ECE1: variants seen among roughly 807,000 people sequenced by gnomAD.
ECE1 encodes endothelin converting enzyme 1, also known as endothelin-converting enzyme 1.
In ECE1, 35 loss-of-function variants were observed where a neutral mutation model predicts 98.6. The ratio of observed to expected loss-of-function variants is 0.35; its 90% confidence interval spans 0.27 to 0.47. The LOEUF is 0.47. Among genes scored for constraint, ECE1 ranks in the 20% least tolerant of loss-of-function variants. ECE1 has a pLI of 1.00. For synonymous variants in ECE1, 394 were observed against 407.1 expected (o/e 0.97, Z 0.39); for missense variants, 814 against 1,025.3 (o/e 0.79, Z 2.81).
intron 17 of ECE1, among the ~76,000 whole-genome samples, chr1:21,222,891 C>T (rs1474632523): frequency 4.7e-5 from 7 of 149,990 alleles, no homozygotes; most frequent in Non-Finnish European, 1.0e-4. Context: ...ACAAATGGAG[C>T]CAGCTGCAAC....
At chr1:21,279,126 G>A (rs28367938) in intron 3 of ECE1, 65 bp downstream of exon 3, 92 of 1,613,202 alleles carry the variant, frequency 5.7e-5, no homozygotes, top group Middle Eastern at 3.3e-4. Context: ...AGCCCCCCTC[G>A]CCCGAGCTGA....
At chr1:21,227,350 G>T in intron 15 of ECE1, 124 bp from the exon 16 acceptor site, 1 of 983,414 alleles carries the variant, frequency 1.0e-6, no homozygotes. Flanking sequence ...GGCTCTGTGT[G>T]GATAAGGGTG....
Position 21,279,282 on chromosome 1 carries a change from G to A in ECE1, c.189C>T (p.Thr63=). ...ACACCACCAGCCGCTTCTCCACCTGGGTCCGTGCAGCCCAGCACCTCTGGC... is the reference window on the plus strand; with the variant it reads ...ACACCACCAGCCGCTTCTCCACCTGAGTCCGTGCAGCCCAGCACCTCTGGC... ...RSGQRCWAAR[T]QVEKRLVVLV... Residue 63 remains threonine, a synonymous_variant, in exon 3 of 19, where the codon ACC becomes ACT. Transcript: ENST00000374893. The A allele has an allele frequency of 6.2e-7, 1 of 1,614,206 alleles. No individual in the cohort carries two copies. The highest frequency in any genetic ancestry group is 8.5e-7 in the Non-Finnish European group (1 of 1,180,046).
At chr1:21,227,601 T>C (rs558014182) in intron 15 of ECE1, among the ~76,000 whole-genome samples, 1 of 152,278 alleles carries the variant, frequency 6.6e-6, no homozygotes, top group African/African-American at 2.4e-5. Context: ...AATCATCCAA[T>C]AGCAGACCTG....
rs766487884 is a variant in ECE1 at position 21,221,735 on chromosome 1, T to C, written c.2136+12A>G. 3.1e-6 allele frequency: 5 copies of C among 1,613,712 alleles called. No homozygotes were observed. The East Asian group carries it at 8.9e-5, about 29-fold the overall frequency. ...ATGTACCATGTGTGGCATGTTTTCC[T>C]AATGGACTCACCTGTGCAAAGCCCA... is the stretch of plus-strand genomic sequence containing the variant. On this transcript the variant is annotated intron_variant, in intron 18 of 18. Coordinates refer to ENST00000374893, the MANE Select transcript of ECE1 (RefSeq NM_001397.3).
chr1:21,237,822 G>A (rs1360741144), intron 11 of ECE1, among the ~76,000 whole-genome samples: 1 of 152,266 alleles, frequency 6.6e-6, no homozygotes, highest in African/African-American at 2.4e-5. Context: ...CTGGGCCAGA[G>A]CTGTTCTGCC....
In ECE1 at chr1:21,309,782, CTTTTTTT is replaced by C. The variant is rs1223419250; in HGVS notation, c.4-19633_4-19627del. 6.9e-5 allele frequency among the ~76,000 whole-genome samples: 9 copies of C among 130,126 alleles called. No homozygotes were observed. The South Asian group carries it at 1.5e-3, about 21-fold the overall frequency. The allele number at this position is 130,126 out of a possible 152,430, so 85.4% of individuals were successfully genotyped here. A position where few individuals can be genotyped will look rare whatever the true frequency, so the allele number is the denominator to read the frequency against. Reference sequence around the variant, plus strand: ...AGCTGGATTTTCTTTTTTTTTCTTTCTTTTTTTTTTTTTTTTTGAGACGTTTTGAGAC... The same window carrying C: ...AGCTGGATTTTCTTTTTTTTTCTTTCTTTTTTTTTTGAGACGTTTTGAGAC... On this transcript the variant is annotated intron_variant, in intron 1 of 18. Transcript: ENST00000415912.
At chr1:21,249,623 A>T (rs1340850118) in intron 8 of ECE1, among the ~76,000 whole-genome samples, 1 of 152,186 alleles carries the variant, frequency 6.6e-6, no homozygotes. Context: ...TCGAGGCTGC[A>T]GTGAGCTGAA....
At chr1:21,222,505 T>C (rs2098168746) in intron 17 of ECE1, among the ~76,000 whole-genome samples, 1 of 152,148 alleles carries the variant, frequency 6.6e-6, no homozygotes, top group Non-Finnish European at 1.5e-5. Flanking sequence ...TGTGGGCTAA[T>C]GGTCACCGCT....
intron 1 of ECE1, among the ~76,000 whole-genome samples, chr1:21,304,833 G>A (rs1283507201): frequency 6.6e-6 from 1 of 152,184 alleles, no homozygotes; most frequent in Non-Finnish European, 1.5e-5. Flanking sequence ...ATGGAAAACT[G>A]AAAGATAGGT....
chr1:21,250,362 A>C (rs2098210992), intron 8 of ECE1, among the ~76,000 whole-genome samples: 1 of 152,326 alleles, frequency 6.6e-6, no homozygotes, highest in South Asian at 2.1e-4. Context: ...TACAGAACAC[A>C]AGGTTTTTTG....
At position 21,290,021 on chromosome 1, in the gene ECE1, G is replaced by T. The variant is rs1569672079; in HGVS notation, c.138+49C>A. The T allele has an allele frequency of 7.9e-7, 1 of 1,270,366 alleles. No individual in the cohort carries two copies. The highest frequency in any genetic ancestry group is 1.0e-6 in the Non-Finnish European group (1 of 997,484). 78.7% of individuals were successfully genotyped at this position (1,270,366 alleles called of 1,614,324 possible). The stretch of plus-strand genomic sequence containing the variant: ...GGGGCGCGGCAGCGGCAGCGCGCAT[G>T]CCCGGGCCCGGGGCGCCTGGACCTC... On this transcript the variant is annotated intron_variant, in intron 2 of 18. Transcript: ENST00000374893. This position sits in a 1 kb window ranked among gnomAD's most constrained non-coding sequence, Gnocchi z 7.3.
In ECE1 at chr1:21,274,599, A is replaced by G. The variant is rs1001791936; in HGVS notation, c.281-1688T>C. 6.6e-5 allele frequency among the ~76,000 whole-genome samples: 10 copies of G among 152,326 alleles called. No homozygotes were observed. The East Asian group carries it at 1.5e-3, about 23-fold the overall frequency. On this transcript the variant is annotated intron_variant, in intron 3 of 18. Coordinates refer to ENST00000374893, the MANE Select transcript of ECE1 (RefSeq NM_001397.3). Reference sequence around the variant, plus strand: ...TTCAGGCCAGTCTTTAGAGAGCAGCAAAGAACGCACGAGCTAGTATGGGCA... The same window carrying G: ...TTCAGGCCAGTCTTTAGAGAGCAGCGAAGAACGCACGAGCTAGTATGGGCA...
chr1:21,248,514 C>T (rs1186630852), intron 8 of ECE1, among the ~76,000 whole-genome samples: 1 of 152,072 alleles, frequency 6.6e-6, no homozygotes, highest in South Asian at 2.1e-4. Context: ...TGAGCGCTCG[C>T]GCCTGGGGCT....
intron 2 of ECE1, among the ~76,000 whole-genome samples, chr1:21,280,911 G>T (rs866279383): frequency 6.6e-6 from 1 of 152,144 alleles, no homozygotes; most frequent in Non-Finnish European, 1.5e-5. Context: ...AAAAGGGGCC[G>T]GGCACGGCGG....
Position 21,221,776 on chromosome 1 carries a change from T to G in ECE1, c.2107A>C (p.Asn703His). The change falls in exon 18 of 19, where the codon AAC becomes CAC. Residue 703 changes from asparagine to histidine, a missense_variant. Asn to His is a moderately conservative substitution (Grantham distance 68). Around this residue, in one of 3 missense-constraint regions of ECE1, gnomAD observed 452 missense variants for 567.3 expected, o/e 0.80. Transcript: ENST00000374893. Reference protein sequence around the residue: ...HSLPTLGLTNNQLFFLGFAQV... With the variant: ...HSLPTLGLTNHQLFFLGFAQV... ...GCAAAGCCCAGGAAGAAGAGCTGGT[T>G]ATTGGTGAGGCCCAGGGTGGGGAGC... The G allele has an allele frequency of 1.2e-6, 2 of 1,614,204 alleles. No homozygotes were observed. The highest frequency in any genetic ancestry group is 1.7e-6 in the Non-Finnish European group (2 of 1,180,024).
intron 8 of ECE1, among the ~76,000 whole-genome samples, chr1:21,255,061 G>C (rs532717546): frequency 1.3e-5 from 2 of 152,328 alleles, no homozygotes; most frequent in South Asian, 4.1e-4. Context: ...CACATGAAGC[G>C]CAAGGTCCCA....
chr1:21,308,762 G>T (rs963114062), intron 1 of ECE1, among the ~76,000 whole-genome samples: 1 of 152,044 alleles, frequency 6.6e-6, no homozygotes, highest in African/African-American at 2.4e-5. Flanking sequence ...GCGAGCTGGG[G>T]CCTGAGCGAA....
rs1298819776 is a variant in ECE1 at position 21,219,601 on chromosome 1, A to T, written c.*354T>A. The T allele has an allele frequency of 3.2e-6, 1 of 312,222 alleles. No homozygotes were observed. The highest frequency in any genetic ancestry group is 6.3e-5 in the East Asian group (1 of 15,978). 19.3% of individuals were successfully genotyped at this position (312,222 alleles called of 1,614,324 possible). ...ATTTCCAGTGTATTCCACAGTGTTT[A>T]AAAAATAGTTTCCCCAAAAATATAT... is the stretch of plus-strand genomic sequence containing the variant. On this transcript the variant is annotated 3_prime_UTR_variant, in exon 19 of 19. Transcript: ENST00000374893. This position sits in a 1 kb window ranked among gnomAD's most constrained non-coding sequence, Gnocchi z 4.5.
Sources: gnomAD v4.1 joint callset for allele counts (sites outside exome capture counted in the v4.1 genomes callset) on GRCh38, gnomAD v4.1.1 for gene constraint, gnomAD v4.1.1 regional missense constraint, Gnocchi (gnomAD v3.1) non-coding constraint, MANE v1.5 for transcripts, NCBI Gene and HGNC (gene_info 2026-07-23, HGNC 2026-07-21) for gene names.